The following FAM204A variants were observed in gnomAD, a reference collection of about 807,000 sequenced individuals.
FAM204A encodes the protein family with sequence similarity 204 member A, also known as protein FAM204A.
Under a neutral mutation model 35.4 loss-of-function variants are expected in FAM204A, and 16 were observed. The ratio of observed to expected loss-of-function variants is 0.45; its 90% CI spans 0.31 to 0.69. The LOEUF is 0.69. Ranked by LOEUF, FAM204A falls within the 30% of genes least tolerant of loss-of-function variation. The pLI is 0.07. For missense variants in FAM204A, 240 were observed against 265.7 expected, an observed-to-expected ratio of 0.90 and a Z score of 0.67; for synonymous variants, 76 against 86.9, an observed-to-expected ratio of 0.88 and a Z score of 0.70.
intron 7 of FAM204A, among the ~76,000 whole-genome samples, chr10:118,314,465 A>G (rs1354390228): frequency 6.6e-6 from 1 of 152,246 alleles, no homozygotes; most frequent in Non-Finnish European, 1.5e-5. Context: ...TAAAAGGCTA[A>G]TAAGACCTTC....
At chr10:118,313,690 G>A (rs956295563) in intron 7 of FAM204A, among the ~76,000 whole-genome samples, 3 of 151,976 alleles carry the variant, frequency 2.0e-5, no homozygotes, top group African/African-American at 7.3e-5. Flanking sequence ...TGCAAATTCA[G>A]TTTTGCCAAA....
chr10:118,321,218 CT>C (rs921365914), intron 7 of FAM204A, among the ~76,000 whole-genome samples: 11 of 152,012 alleles, frequency 7.2e-5, no homozygotes, highest in African/African-American at 2.7e-4. Context: ...TCATAAAGGG[CT>C]TCTGCCCCCA....
rs1189914854 is a variant in FAM204A at position 118,303,826 on chromosome 10, A to G, written c.*7031T>C. On this transcript the variant is annotated 3_prime_UTR_variant, in exon 9 of 9. Transcript: ENST00000369183. Reference sequence around the variant, plus strand: ...ACTCCGTCTCAAAAAGAAAAAAAGAAAAAAAACAGCTCCTTTGCCACAAGC... The same window carrying G: ...ACTCCGTCTCAAAAAGAAAAAAAGAGAAAAAACAGCTCCTTTGCCACAAGC... 1 of 152,516 alleles carries G rather than the reference A, an allele frequency of 6.6e-6. No individual in the cohort carries two copies. The highest frequency in any genetic ancestry group is 2.4e-5 in the African/African-American group (1 of 41,378). The allele number at this position is 152,516 out of a possible 1,614,324, so 9.4% of individuals were successfully genotyped here.
intron 8 of FAM204A, 85 bp from the exon 9 acceptor site, chr10:118,310,993 A>G: frequency 5.2e-6 from 7 of 1,343,152 alleles, no homozygotes; most frequent in Non-Finnish European, 7.2e-6. Flanking sequence ...GACCAAAGCA[A>G]AACAAACAAA....
At position 118,309,004 on chromosome 10, in the gene FAM204A, A is replaced by T. The variant is rs1375450352; in HGVS notation, c.*1853T>A. ...CATTTTTAGGATTTCAGACAAAACC[A>T]CTGGATTGTATAGTGAATATTTCCC... On this transcript the variant is annotated 3_prime_UTR_variant, in exon 9 of 9. Transcript: ENST00000369183. 1 of 152,150 alleles carries T rather than the reference A, an allele frequency of 6.6e-6. No homozygotes were observed. Among genetic ancestry groups the T allele is most frequent in the African/African-American group, 2.4e-5 (1 of 41,434 alleles). The allele number at this position is 152,150 out of a possible 1,614,324, so 9.4% of individuals were successfully genotyped here. A position where few individuals can be genotyped will look rare whatever the true frequency, so the allele number is the denominator to read the frequency against.
intron 7 of FAM204A, among the ~76,000 whole-genome samples, chr10:118,321,869 T>G (rs1042100973): frequency 2.0e-5 from 3 of 152,010 alleles, no homozygotes; most frequent in Non-Finnish European, 4.4e-5. Flanking sequence ...AGTAGCGAGG[T>G]AGACAAGGAC....
intron 7 of FAM204A, chr10:118,322,508 A>C: frequency 2.9e-6 from 1 of 346,158 alleles, no homozygotes; most frequent in Non-Finnish European, 5.9e-6. Flanking sequence ...CTCTTCAGAA[A>C]TATTAAGGTC....
Position 118,309,543 on chromosome 10 carries a change from G to C in FAM204A, c.*1314C>G, listed in dbSNP as rs1845914882. The C allele has an allele frequency of 6.6e-6, 1 of 152,150 alleles. No homozygotes were observed. The highest frequency in any genetic ancestry group is 2.4e-5 in the African/African-American group (1 of 41,428). 9.4% of individuals were successfully genotyped at this position (152,150 alleles called of 1,614,324 possible). A position where few individuals can be genotyped will look rare whatever the true frequency, so the allele number is the denominator to read the frequency against. The stretch of plus-strand genomic sequence containing the variant: ...GCTGAGTGGTTCTTTACCTCCGCTG[G>C]GCACTGAGCAGGGAGGTGCCGACAC... On this transcript the variant is annotated 3_prime_UTR_variant, in exon 9 of 9. Transcript: ENST00000369183.
At chr10:118,335,271 T>A (rs1846362709) in intron 5 of FAM204A, 58 bp from the exon 6 acceptor site, 36 of 1,562,516 alleles carry the variant, frequency 2.3e-5, no homozygotes, top group African/African-American at 2.8e-5. Flanking sequence ...ACTTTTACTG[T>A]TTTTAATCGG....
At chr10:118,320,454 A>G (rs1274465053) in intron 7 of FAM204A, among the ~76,000 whole-genome samples, 1 of 151,934 alleles carries the variant, frequency 6.6e-6, no homozygotes, top group Non-Finnish European at 1.5e-5. Context: ...AAAGCGTGGC[A>G]TTTTCAATGA....
At chr10:118,322,770 T>A (rs1239692913) in intron 7 of FAM204A, among the ~76,000 whole-genome samples, 2 of 152,090 alleles carry the variant, frequency 1.3e-5, no homozygotes, top group African/African-American at 4.8e-5. Flanking sequence ...TCTCAACTTT[T>A]TGAAAGTCTG....
chr10:118,332,121 G>A (rs1320826412), intron 6 of FAM204A, among the ~76,000 whole-genome samples: 4 of 123,584 alleles, frequency 3.2e-5, no homozygotes, highest in African/African-American at 1.2e-4. Context: ...GCAGTGAGCT[G>A]AGATTGCACC....
At chr10:118,313,069 G>A (rs1845978235) in intron 7 of FAM204A, among the ~76,000 whole-genome samples, 1 of 151,988 alleles carries the variant, frequency 6.6e-6, no homozygotes, top group African/African-American at 2.4e-5. Context: ...AGGAGAAAAT[G>A]AAACTCTGGA....
At chr10:118,314,890 G>A (rs1015265047) in intron 7 of FAM204A, among the ~76,000 whole-genome samples, 3 of 152,112 alleles carry the variant, frequency 2.0e-5, no homozygotes, top group African/African-American at 7.2e-5. Context: ...AGAGCATGCA[G>A]TAAGGAAAAT....
At position 118,307,594 on chromosome 10, in the gene FAM204A, A is replaced by G. The variant is rs2119780615; in HGVS notation, c.*3263T>C. The G allele has an allele frequency of 6.6e-6, 1 of 152,336 alleles. No individual in the cohort carries two copies. Among genetic ancestry groups the G allele is most frequent in the Non-Finnish European group, 1.5e-5 (1 of 68,022 alleles). 9.4% of individuals were successfully genotyped at this position (152,336 alleles called of 1,614,324 possible). Reference sequence around the variant, plus strand: ...TGTACAACTCTCATTTTGTTTAAACAACAACCTCATACAATATGTTTTATA... The same window carrying G: ...TGTACAACTCTCATTTTGTTTAAACGACAACCTCATACAATATGTTTTATA... On this transcript the variant is annotated 3_prime_UTR_variant, in exon 9 of 9. Coordinates refer to ENST00000369183, the MANE Select transcript of FAM204A (RefSeq NM_022063.3).
At chr10:118,315,397 C>T (rs1020638926) in intron 7 of FAM204A, among the ~76,000 whole-genome samples, 1 of 152,112 alleles carries the variant, frequency 6.6e-6, no homozygotes, top group African/African-American at 2.4e-5. Context: ...AAATTTTACT[C>T]ATCTCAAAAT....
intron 7 of FAM204A, chr10:118,322,561 A>C (rs970089587): frequency 8.7e-6 from 2 of 229,096 alleles, no homozygotes; most frequent in African/African-American, 4.6e-5. Flanking sequence ...CAGATTAAAA[A>C]AACTAAAGAA....
At chr10:118,337,947 T>G (rs1378110484) in intron 2 of FAM204A, among the ~76,000 whole-genome samples, 2 of 152,214 alleles carry the variant, frequency 1.3e-5, no homozygotes, top group Non-Finnish European at 2.9e-5. Flanking sequence ...GTGCACTCAC[T>G]TAGCAACTGA....
At position 118,298,688 on chromosome 10, in the gene FAM204A, TCCA is replaced by T. The variant is rs1326764500; in HGVS notation, c.*12166_*12168del. On this transcript the variant is annotated 3_prime_UTR_variant, in exon 9 of 9. Transcript: ENST00000369183. ...ACAATGTACAGAGATTATTGTTACG[TCCA>T]CATTATTATTTTTGGCACTAGGAAA... 2 of 152,286 alleles carry T rather than the reference TCCA, an allele frequency of 1.3e-5. No individual in the cohort carries two copies. 9.4% of individuals were successfully genotyped at this position (152,286 alleles called of 1,614,324 possible).
Sources: gnomAD v4.1 joint callset for allele counts (sites outside exome capture counted in the v4.1 genomes callset) on GRCh38, gnomAD v4.1.1 for gene constraint, MANE v1.5 for transcripts, NCBI Gene and HGNC (gene_info 2026-07-23, HGNC 2026-07-21) for gene names.